The following DAB2IP variants were observed in gnomAD, a reference collection of about 807,000 sequenced individuals.
DAB2IP encodes DAB2 interacting protein.
In DAB2IP, 28 loss-of-function variants were observed where a neutral mutation model predicts 107.2. That is an observed-to-expected ratio of 0.26 (90% confidence interval 0.19 to 0.36). The LOEUF is 0.36. DAB2IP is among the 10% of genes least tolerant of loss of function. DAB2IP has a pLI of 1.00. For missense variants in DAB2IP, 1,400 were observed against 1,644.7 expected (o/e 0.85, Z 2.57); for synonymous variants, 755 against 706.4 (o/e 1.07, Z -1.09).
intron 1 of DAB2IP, among the ~76,000 whole-genome samples, chr9:121,642,817 G>A (rs540659445): frequency 2.0e-5 from 3 of 152,202 alleles, no homozygotes; most frequent in South Asian, 2.1e-4. Flanking sequence ...TTCAGGAAGC[G>A]CTATGTGGAA....
At position 121,685,099 on chromosome 9, in the gene DAB2IP, C is replaced by T. The variant is rs561376501; in HGVS notation, c.228+6318C>T. Among the ~76,000 whole-genome samples, 17 of 152,326 alleles carry T rather than the reference C, an allele frequency of 1.1e-4. No homozygotes were observed. The East Asian group carries it at 1.5e-3, about 14-fold the overall frequency. On this transcript the variant is annotated intron_variant, in intron 2 of 15. Coordinates refer to ENST00000408936, the Ensembl canonical transcript of DAB2IP. Reference sequence around the variant, plus strand: ...GACCCAGCATCCGGCGTGTATTCAGCGGATGGGCGGGGTGGTGGAAGAGCA... The same window carrying T: ...GACCCAGCATCCGGCGTGTATTCAGTGGATGGGCGGGGTGGTGGAAGAGCA...
At chr9:121,732,030 G>A (rs1399281014) in intron 3 of DAB2IP, among the ~76,000 whole-genome samples, 1 of 152,104 alleles carries the variant, frequency 6.6e-6, no homozygotes, top group Non-Finnish European at 1.5e-5. Context: ...GCCCAGAGTG[G>A]CACTGGACTC....
At chr9:121,706,005 C>T (rs1316538006) in intron 3 of DAB2IP, among the ~76,000 whole-genome samples, 1 of 152,228 alleles carries the variant, frequency 6.6e-6, no homozygotes, top group Non-Finnish European at 1.5e-5. Context: ...CCAGCTCCCC[C>T]AGTCGGCTTG....
intron 1 of DAB2IP, among the ~76,000 whole-genome samples, chr9:121,590,000 G>C (rs1247274043): frequency 8.2e-6 from 1 of 121,780 alleles, no homozygotes; most frequent in Non-Finnish European, 1.6e-5. Flanking sequence ...TGGGGTATGA[G>C]AGAAACTGCG....
At chr9:121,641,997 CT>C (rs1345343832) in intron 1 of DAB2IP, among the ~76,000 whole-genome samples, 951 of 14,360 alleles carry the variant, frequency 0.066, 32 homozygotes, top group Non-Finnish European at 0.07. Context: ...TCTTTCCTTT[CT>C]CTCTCTCTCT....
intron 1 of DAB2IP, among the ~76,000 whole-genome samples, chr9:121,661,804 A>G (rs1419181933): frequency 6.6e-6 from 1 of 152,188 alleles, no homozygotes; most frequent in Non-Finnish European, 1.5e-5. Flanking sequence ...GCAAATAGTG[A>G]GACCCCATCT....
At chr9:121,577,625 A>G (rs1830095467) in intron 1 of DAB2IP, among the ~76,000 whole-genome samples, 1 of 152,100 alleles carries the variant, frequency 6.6e-6, no homozygotes, top group Non-Finnish European at 1.5e-5. Flanking sequence ...AGGGACTGAC[A>G]TGGCTGGGGG....
rs138111436 is a variant in DAB2IP, at chr9:121,700,165, C to T, written c.362+707C>T. Among the ~76,000 whole-genome samples, 55 of 152,370 alleles carry T rather than the reference C, an allele frequency of 3.6e-4. 1 individual carries two copies. In the East Asian group the frequency reaches 0.01, roughly 29 times the overall value. On this transcript the variant is annotated intron_variant, in intron 3 of 15. Coordinates refer to ENST00000408936, the Ensembl canonical transcript of DAB2IP. ...GGTGTCTCCTGCTTTCTGTTTCCTT[C>T]TCCTGGGCCAGCCGGGAGCAGGTGT... is the stretch of plus-strand genomic sequence containing the variant.
At chr9:121,629,165 C>A (rs1203200347) in intron 1 of DAB2IP, among the ~76,000 whole-genome samples, 1 of 152,200 alleles carries the variant, frequency 6.6e-6, no homozygotes, top group Non-Finnish European at 1.5e-5. Flanking sequence ...GATTCCCTTT[C>A]GCTCTTGGGT....
exon 12 of DAB2IP, chr9:121,773,058 C>T (rs1254306609): frequency 3.2e-5 from 52 of 1,612,430 alleles, no homozygotes; most frequent in Non-Finnish European, 4.3e-5. Context: ...GCTGTCACCC[C>T]GTGGCCTTGG....
rs548844096 is a variant in DAB2IP, at chr9:121,568,947, G to A, written c.40+1719G>A. On this transcript the variant is annotated intron_variant, in intron 1 of 16. Coordinates refer to the DAB2IP transcript ENST00000259371. Reference sequence around the variant, plus strand: ...CCTTGTCCTGGCCTGTCACGAGGCCGGTTGCTGATCTCCTGGAAGCTGGCC... The same window carrying A: ...CCTTGTCCTGGCCTGTCACGAGGCCAGTTGCTGATCTCCTGGAAGCTGGCC... Among the ~76,000 whole-genome samples, 18 of 152,326 alleles carry A rather than the reference G, an allele frequency of 1.2e-4. No homozygotes were observed. In the South Asian group the frequency reaches 3.1e-3, roughly 26 times the overall value.
chr9:121,740,695 A>C (rs1488776446), intron 3 of DAB2IP, among the ~76,000 whole-genome samples: 2 of 152,178 alleles, frequency 1.3e-5, no homozygotes, highest in East Asian at 3.9e-4. Context: ...AGCTGGAGAT[A>C]ACATAATGTC....
chr9:121,758,924 C>T (rs892349601), exon 5 of DAB2IP: 3 of 1,613,454 alleles, frequency 1.9e-6, no homozygotes, highest in Non-Finnish European at 2.5e-6. Context: ...GAAGCAAGTG[C>T]TTTTCCTGCC....
chr9:121,649,766 C>G (rs2119055496), upstream of DAB2IP, among the ~76,000 whole-genome samples: 1 of 152,310 alleles, frequency 6.6e-6, no homozygotes, highest in Admixed American at 6.5e-5. Context: ...GAGGAGGATG[C>G]ATGCTAACAA....
intron 3 of DAB2IP, among the ~76,000 whole-genome samples, chr9:121,714,122 T>G (rs1830470913): frequency 6.6e-6 from 1 of 152,188 alleles, no homozygotes; most frequent in Non-Finnish European, 1.5e-5. Flanking sequence ...ATGCTTTTGC[T>G]TTTTTGTTTG....
rs746466825 is a variant in DAB2IP at position 121,781,589 on chromosome 9, A to C, written c.3402+38A>C. 7.5e-6 allele frequency: 12 copies of C among 1,600,670 alleles called. No individual in the cohort carries two copies. The Admixed American group carries it at 1.8e-4, about 25-fold the overall frequency. On this transcript the variant is annotated intron_variant, in intron 15 of 15. Transcript: ENST00000408936. ...GCCCTTTGGTCAGCCACAAGAGTTA[A>C]AGGGCCTGGGATTAGGAGGGGTGAC...
intron 1 of DAB2IP, among the ~76,000 whole-genome samples, chr9:121,667,724 C>T (rs960482952): frequency 2.0e-5 from 3 of 151,916 alleles, no homozygotes; most frequent in East Asian, 1.9e-4. Flanking sequence ...TCTTGAACTC[C>T]TGACCTCAAG....
At chr9:121,742,429 C>CA (rs1305311119) in intron 3 of DAB2IP, among the ~76,000 whole-genome samples, 2 of 152,086 alleles carry the variant, frequency 1.3e-5, no homozygotes, top group African/African-American at 4.8e-5. Flanking sequence ...AACTCCATCT[C>CA]AAAAAAAGAA....
intron 9 of DAB2IP, among the ~76,000 whole-genome samples, chr9:121,767,988 A>T (rs1256136127): frequency 6.6e-6 from 1 of 151,984 alleles, no homozygotes; most frequent in East Asian, 1.9e-4. Context: ...GCTCAGGAGG[A>T]GGGCATGGGT....
Sources: gnomAD v4.1 joint callset for allele counts (sites outside exome capture counted in the v4.1 genomes callset) on GRCh38, gnomAD v4.1.1 for gene constraint, MANE v1.5 for transcripts, NCBI Gene and HGNC (gene_info 2026-07-23, HGNC 2026-07-21) for gene names.